The following MEPCE variants were observed in gnomAD, a reference collection of about 807,000 sequenced individuals.
The protein encoded by MEPCE is methylphosphate capping enzyme.
Under a neutral mutation model 52.3 loss-of-function variants are expected in MEPCE, and 9 were observed. That is an observed-to-expected ratio of 0.17 (90% CI 0.10 to 0.30). The LOEUF (loss-of-function observed/expected upper bound fraction) is 0.30. Ranked by LOEUF, MEPCE falls within the 10% of genes least tolerant of loss-of-function variation. The pLI is 1.00. For synonymous variants in MEPCE, 477 were observed against 401.6 expected (o/e 1.19, Z -2.25); for missense variants, 826 against 933.0 (o/e 0.89, Z 1.49).
intron 1 of MEPCE, 78 bp from the exon 2 acceptor site, chr7:100,432,841 C>G (rs1211542152): frequency 7.6e-7 from 1 of 1,307,462 alleles, no homozygotes; most frequent in East Asian, 2.3e-5. Flanking sequence ...GGGACTGTAT[C>G]GGCCTCAGAG....
chr7:100,430,036 G>A lies in MEPCE; in HGVS notation c.18G>A (p.Ala6=). 7.9e-7 allele frequency: 1 copy of A among 1,271,736 alleles called. No individual in the cohort carries two copies. The highest frequency in any genetic ancestry group is 9.9e-7 in the Non-Finnish European group (1 of 1,009,402). 78.8% of individuals were successfully genotyped at this position (1,271,736 alleles called of 1,614,324 possible). A position where few individuals can be genotyped will look rare whatever the true frequency, so the allele number is the denominator to read the frequency against. The change falls in exon 1 of 4, where the codon GCG becomes GCA. Residue 6 remains alanine, a synonymous_variant. Transcript: ENST00000310512. MIEMA[A]EKEPFLVPAP... ...GGGAGGAAATGATCGAGATGGCGGC[G>A]GAGAAGGAGCCGTTTCTGGTGCCGG...
At chr7:100,429,737 C>A (rs1798479506), upstream of MEPCE, 3 of 345,650 alleles carry the variant, frequency 8.7e-6, no homozygotes, top group Admixed American at 4.8e-5. Flanking sequence ...AACGCGCGCT[C>A]ACCGTGCGCG....
chr7:100,432,927 T>C lies in MEPCE; in HGVS notation c.1680T>C (p.Tyr560=). 3 of 1,613,980 alleles carry C rather than the reference T, an allele frequency of 1.9e-6. No individual in the cohort carries two copies. Among genetic ancestry groups the C allele is most frequent in the Non-Finnish European group, 1.7e-6 (2 of 1,179,964 alleles). The change falls in exon 2 of 4, where the codon TAT becomes TAC. Residue 560 remains tyrosine (Y), a synonymous_variant. Coordinates refer to ENST00000310512, the MANE Select transcript of MEPCE (RefSeq NM_019606.6). ...CCGATTCTTGCCCTCAGGGTAATTATGTGCTGGATCGAGATGACCTGGTGG... is the reference window on the plus strand; with the variant it reads ...CCGATTCTTGCCCTCAGGGTAATTACGTGCTGGATCGAGATGACCTGGTGG... The part of the protein sequence containing the change: ...PNNVVFVTGN[Y]VLDRDDLVEA...
At position 100,430,481 on chromosome 7, in the gene MEPCE, G is replaced by T; in HGVS notation, c.463G>T (p.Val155Leu). Reference sequence around the variant, plus strand: ...GGGCAAGAGGAGAAATAGCTGTAATGTAGGGGGAGGCGGGGGAGGCTTCAA... The same window carrying T: ...GGGCAAGAGGAGAAATAGCTGTAATTTAGGGGGAGGCGGGGGAGGCTTCAA... ...GGGKRRNSCNVGGGGGGFKHP... is the reference protein window; with the variant it reads ...GGGKRRNSCNLGGGGGGFKHP... Residue 155 changes from valine to leucine, a missense_variant, in exon 1 of 4, where the codon GTA (valine) becomes TTA (leucine). By Grantham distance (32) the Val-to-Leu change is conservative. Around this residue, in one of 7 missense-constraint regions of MEPCE, gnomAD observed 314 missense variants for 277.7 expected, o/e 1.13. Coordinates refer to ENST00000310512, the MANE Select transcript of MEPCE (RefSeq NM_019606.6). The T allele has an allele frequency of 6.4e-7, 1 of 1,571,792 alleles. No individual in the cohort carries two copies. Among genetic ancestry groups the T allele is most frequent in the South Asian group, 1.2e-5 (1 of 86,550 alleles).
Position 100,433,640 on chromosome 7 carries a change from C to T in MEPCE, c.*86C>T. On this transcript the variant is annotated 3_prime_UTR_variant, in exon 4 of 4. Transcript: ENST00000310512. ...AAGAGGAAAGTGTCCCAAGGTCTTT[C>T]CTTTCTGACTCCAAAAATAGTTTCC... The T allele has an allele frequency of 7.5e-7, 1 of 1,326,952 alleles. No individual in the cohort carries two copies. The highest frequency in any genetic ancestry group is 1.1e-6 in the Non-Finnish European group (1 of 942,888). The allele number at this position is 1,326,952 out of a possible 1,614,324, so 82.2% of individuals were successfully genotyped here.
rs1450262114 is a variant in MEPCE at position 100,429,873 on chromosome 7, G to T, written c.-146G>T. 3.1e-6 allele frequency: 2 copies of T among 636,284 alleles called. No homozygotes were observed. Among genetic ancestry groups the T allele is most frequent in the African/African-American group, 3.8e-5 (2 of 53,026 alleles). 39.4% of individuals were successfully genotyped at this position (636,284 alleles called of 1,614,324 possible). On this transcript the variant is annotated 5_prime_UTR_variant, in exon 1 of 4. Transcript: ENST00000310512. Reference sequence around the variant, plus strand: ...CGGGCTAGTAGGGCGCACTTGGCGGGGAGGCGCTTGGGCGCGAGACTAGGC... The same window carrying T: ...CGGGCTAGTAGGGCGCACTTGGCGGTGAGGCGCTTGGGCGCGAGACTAGGC...
At position 100,430,083 on chromosome 7, in the gene MEPCE, A is replaced by G. The variant is rs1798563054; in HGVS notation, c.65A>G (p.Asp22Gly). ...CCGGCCCCGCCGCCGCCGCTCAAAGATGAGTCGGGCGGAGGGGGCGGCCCC... is the reference window on the plus strand; with the variant it reads ...CCGGCCCCGCCGCCGCCGCTCAAAGGTGAGTCGGGCGGAGGGGGCGGCCCC... Reference protein sequence around the residue: ...LVPAPPPPLKDESGGGGGPTV... With the variant: ...LVPAPPPPLKGESGGGGGPTV... Residue 22 changes from aspartate to glycine, a missense_variant, in exon 1 of 4, where the codon GAT becomes GGT. Asp to Gly is a moderately conservative substitution (Grantham distance 94, BLOSUM62 -1). Transcript: ENST00000310512. 5.5e-6 allele frequency: 7 copies of G among 1,267,024 alleles called. No individual in the cohort carries two copies. The highest frequency in any genetic ancestry group is 3.1e-5 in the East Asian group (1 of 31,786). 78.5% of individuals were successfully genotyped at this position (1,267,024 alleles called of 1,614,324 possible). A position where few individuals can be genotyped will look rare whatever the true frequency, so the allele number is the denominator to read the frequency against.
rs1584321332 is a variant in MEPCE, at chr7:100,430,288, C to T, written c.270C>T (p.Pro90=). The T allele has an allele frequency of 1.2e-5, 17 of 1,406,272 alleles. No individual in the cohort carries two copies. The East Asian group carries it at 4.5e-4, about 38-fold the overall frequency. The allele number at this position is 1,406,272 out of a possible 1,614,324, so 87.1% of individuals were successfully genotyped here. Residue 90 remains proline (P), a synonymous_variant, in exon 1 of 4, where the codon CCC becomes CCT. Coordinates refer to ENST00000310512, the MANE Select transcript of MEPCE (RefSeq NM_019606.6). ...CGCAGCAGCACCGAGGGGGCGGCCC[C>T]CAGGCGCAGTCGCATGGGGAGGCCC... The part of the protein sequence containing the change: ...PQAQQHRGGG[P]QAQSHGEARL...
upstream of MEPCE, chr7:100,428,803 C>T (rs1206817589): frequency 6.6e-6 from 1 of 152,158 alleles, no homozygotes; most frequent in Non-Finnish European, 1.5e-5. Flanking sequence ...GAGAGGCCCG[C>T]GAACTGACGG....
Position 100,433,660 on chromosome 7 carries a change from GT to G in MEPCE, c.*109del, listed in dbSNP as rs1798790487. On this transcript the variant is annotated 3_prime_UTR_variant, in exon 4 of 4. Transcript: ENST00000310512. The stretch of plus-strand genomic sequence containing the variant: ...TCTTTCCTTTCTGACTCCAAAAATA[GT>G]TTCCTTTCTTGGATCTGCAAAGAAA... The G allele has an allele frequency of 8.4e-7, 1 of 1,191,270 alleles. No individual in the cohort carries two copies. Among genetic ancestry groups the G allele is most frequent in the Non-Finnish European group, 1.2e-6 (1 of 828,720 alleles). The allele number at this position is 1,191,270 out of a possible 1,614,324, so 73.8% of individuals were successfully genotyped here. A position where few individuals can be genotyped will look rare whatever the true frequency, so the allele number is the denominator to read the frequency against.
In MEPCE at chr7:100,430,603, G is replaced by A. The variant is rs1798637103; in HGVS notation, c.585G>A (p.Leu195=). 2 of 1,612,198 alleles carry A rather than the reference G, an allele frequency of 1.2e-6. No homozygotes were observed. The highest frequency in any genetic ancestry group is 1.7e-6 in the Non-Finnish European group (2 of 1,179,434). ...TGGGGGGCAATATCTTTGATCCCCT[G>A]AACCTGAATAGCCTCCTGGATGAGG... The part of the protein sequence containing the change: ...FLLGGNIFDP[L]NLNSLLDEEV... Residue 195 remains leucine, a synonymous_variant, in exon 1 of 4, where the codon CTG becomes CTA. Coordinates refer to ENST00000310512, the MANE Select transcript of MEPCE (RefSeq NM_019606.6).
Position 100,433,576 on chromosome 7 carries a change from G to T in MEPCE, c.*22G>T, listed in dbSNP as rs1798787416. 1.2e-6 allele frequency: 2 copies of T among 1,611,204 alleles called. No homozygotes were observed. The highest frequency in any genetic ancestry group is 1.7e-6 in the Non-Finnish European group (2 of 1,179,110). On this transcript the variant is annotated 3_prime_UTR_variant, in exon 4 of 4. Coordinates refer to ENST00000310512, the MANE Select transcript of MEPCE (RefSeq NM_019606.6). ...CTAAGTGGCCCCCTAAACAGAAAGT[G>T]TGAAGAGGCTGCCCTCGCTGCTCAT...
chr7:100,431,739 A>T (rs2131005696), intron 1 of MEPCE, 50 bp downstream of exon 1: 1 of 1,464,650 alleles, frequency 6.8e-7, no homozygotes, highest in East Asian at 2.4e-5. Context: ...TGAAGATGAG[A>T]TTAAATGGGA....
intron 1 of MEPCE, 122 bp from the exon 2 acceptor site, chr7:100,432,797 A>G: frequency 2.4e-6 from 2 of 843,052 alleles, no homozygotes; most frequent in Non-Finnish European, 3.9e-6. Flanking sequence ...AGTTAGTCTG[A>G]GAAGAAAGTG....
chr7:100,430,904 G>T lies in MEPCE; in HGVS notation c.886G>T (p.Gly296Trp). Reference protein sequence around the residue: ...PTAPLTPLLHGEGASQQPRHR... With the variant: ...PTAPLTPLLHWEGASQQPRHR... ...AGCCCCTCTCACCCCCTTACTCCAC[G>T]GGGAGGGCGCCTCACAGCAGCCGCG... Residue 296 changes from glycine (G) to tryptophan (W), a missense_variant, in exon 1 of 4, where the codon GGG becomes TGG. Gly to Trp is a radical substitution (Grantham distance 184). This residue lies in a region of MEPCE where 307 missense variants were observed against 292.1 expected (regional missense o/e 1.05). Transcript: ENST00000310512. The T allele has an allele frequency of 1.9e-6, 3 of 1,609,022 alleles. No homozygotes were observed. The highest frequency in any genetic ancestry group is 2.5e-6 in the Non-Finnish European group (3 of 1,176,972).
intron 1 of MEPCE, 77 bp from the exon 2 acceptor site, chr7:100,432,842 G>T: frequency 3.8e-6 from 5 of 1,317,600 alleles, no homozygotes; most frequent in Non-Finnish European, 5.5e-6. Flanking sequence ...GGACTGTATC[G>T]GCCTCAGAGC....
At chr7:100,429,818 G>GGGTCTCGCGGGCCTCTTGTTTT (rs1212295092), upstream of MEPCE, 35 of 416,686 alleles carry the variant, frequency 8.4e-5, 1 homozygote, top group East Asian at 7.2e-4. Context: ...CGAGTAGTTC[G>GGGTCTCGCGGGCCTCTTGTTTT]GGTCTCGCGG....
Position 100,433,156 on chromosome 7 carries a change from G to A in MEPCE, c.1890+19G>A, listed in dbSNP as rs376518817. On this transcript the variant is annotated intron_variant, in intron 2 of 3. Transcript: ENST00000310512. ...TCTTACAGTGAGTTGGGTGTTGGGGGAATAGTCATTCCTTTGGTTGAGGCA... is the reference window on the plus strand; with the variant it reads ...TCTTACAGTGAGTTGGGTGTTGGGGAAATAGTCATTCCTTTGGTTGAGGCA... 5.6e-6 allele frequency: 9 copies of A among 1,613,510 alleles called. No homozygotes were observed. In the African/African-American group the frequency reaches 8.0e-5, roughly 14 times the overall value.
chr7:100,430,884 C>T lies in MEPCE; in HGVS notation c.866C>T (p.Pro289Leu). Residue 289 changes from proline to leucine, a missense_variant, in exon 1 of 4, where the codon CCT becomes CTT. Pro to Leu is a moderately conservative substitution (Grantham distance 98). Around this residue, in one of 7 missense-constraint regions of MEPCE, gnomAD observed 307 missense variants for 292.1 expected, o/e 1.05. Transcript: ENST00000310512. ...AGTCACCCCGTGCCGCCCACAGCCC[C>T]TCTCACCCCCTTACTCCACGGGGAG... ...SESHPVPPTAPLTPLLHGEGA... is the reference protein window; with the variant it reads ...SESHPVPPTALLTPLLHGEGA... 5.0e-6 allele frequency: 8 copies of T among 1,609,358 alleles called. No individual in the cohort carries two copies. The highest frequency in any genetic ancestry group is 2.2e-5 in the East Asian group (1 of 44,798).
Sources: allele counts gnomAD v4.1 joint callset, GRCh38; gene constraint gnomAD v4.1.1; regional missense constraint gnomAD v4.1.1; transcripts MANE v1.5; gene names NCBI Gene and HGNC (gene_info 2026-07-23, HGNC 2026-07-21).